The following PALM2AKAP2 variants were observed in gnomAD, a reference collection of about 807,000 sequenced individuals.
PALM2AKAP2 encodes the protein PALM2 and AKAP2 fusion.
PALM2AKAP2 carries 37 observed loss-of-function variants against 71.5 expected under a neutral mutation model. That is an observed-to-expected ratio of 0.52 (90% CI 0.40 to 0.68). The LOEUF is 0.68. PALM2AKAP2 is among the 30% of genes least tolerant of loss of function. The pLI is 0.00. For synonymous variants in PALM2AKAP2, 468 were observed against 478.8 expected (o/e 0.98, Z 0.29); for missense variants, 1,224 against 1,191.8 (o/e 1.03, Z -0.40).
At chr9:109,867,239 G>T in intron 1 of PALM2AKAP2, 1 of 416,860 alleles carries the variant, frequency 2.4e-6, no homozygotes, top group East Asian at 6.0e-5. Flanking sequence ...CTTTTCTTTT[G>T]GATTAAATTC....
intron 1 of PALM2AKAP2, among the ~76,000 whole-genome samples, chr9:109,715,938 G>T (rs111415701): frequency 3.3e-5 from 5 of 151,836 alleles, no homozygotes; most frequent in Non-Finnish European, 7.4e-5. Flanking sequence ...AGTGTTTTTC[G>T]TATGCCATTA....
chr9:110,106,738 A>G (rs192744070), intron 1 of PALM2AKAP2, among the ~76,000 whole-genome samples: 35 of 152,308 alleles, frequency 2.3e-4, no homozygotes, highest in African/African-American at 8.4e-4. Flanking sequence ...GTTGCTTTGT[A>G]TGGGTGCACA....
At chr9:109,986,065 G>A (rs1212847878) in intron 6 of PALM2AKAP2, among the ~76,000 whole-genome samples, 1 of 152,134 alleles carries the variant, frequency 6.6e-6, no homozygotes, top group African/African-American at 2.4e-5. Flanking sequence ...AATGCGACCC[G>A]CTACCAAAAT....
At chr9:109,915,938 T>C (rs1830678621) in intron 3 of PALM2AKAP2, among the ~76,000 whole-genome samples, 2 of 151,680 alleles carry the variant, frequency 1.3e-5, no homozygotes, top group Admixed American at 1.3e-4. Flanking sequence ...AAAGGGAAAA[T>C]ATATTGGCTT....
exon 2 of PALM2AKAP2, chr9:110,137,685 A>C: frequency 6.2e-7 from 1 of 1,614,150 alleles, no homozygotes; most frequent in Non-Finnish European, 8.5e-7. Flanking sequence ...GTGAGGTCTC[A>C]GGATACCACA....
intron 1 of PALM2AKAP2, among the ~76,000 whole-genome samples, chr9:109,695,694 TA>T (rs1447614925): frequency 6.6e-6 from 1 of 152,090 alleles, no homozygotes; most frequent in African/African-American, 2.4e-5. Flanking sequence ...TTATTCCATA[TA>T]AAAAAGAATG....
chr9:109,966,065 A>G (rs1023095102), intron 6 of PALM2AKAP2, among the ~76,000 whole-genome samples: 19 of 152,126 alleles, frequency 1.2e-4, no homozygotes, highest in Admixed American at 1.0e-3. Context: ...TAGATTTGGG[A>G]TGGGGTTTCA....
chr9:109,704,611 T>G (rs965761691), intron 1 of PALM2AKAP2, among the ~76,000 whole-genome samples: 1 of 152,212 alleles, frequency 6.6e-6, no homozygotes, highest in African/African-American at 2.4e-5. Context: ...GGGTGGCCCC[T>G]GCTGACTGTT....
At chr9:109,984,126 T>C (rs1832329049) in intron 6 of PALM2AKAP2, among the ~76,000 whole-genome samples, 1 of 152,198 alleles carries the variant, frequency 6.6e-6, no homozygotes, top group Non-Finnish European at 1.5e-5. Flanking sequence ...AACTTCTCCA[T>C]TGACTTTGAG....
chr9:110,016,576 T>C (rs1832983611), intron 7 of PALM2AKAP2, among the ~76,000 whole-genome samples: 1 of 152,206 alleles, frequency 6.6e-6, no homozygotes, highest in Admixed American at 6.5e-5. Flanking sequence ...ATGAGTCATC[T>C]AGAAATCCAC....
chr9:109,993,743 CCTCT>C (rs1412470586), intron 6 of PALM2AKAP2, among the ~76,000 whole-genome samples: 2 of 151,678 alleles, frequency 1.3e-5, no homozygotes, highest in Non-Finnish European at 2.9e-5. Flanking sequence ...TTCTTCTCTC[CCTCT>C]GTTTTTCTCT....
chr9:109,878,023 G>T (rs1425830259), intron 2 of PALM2AKAP2, among the ~76,000 whole-genome samples: 1 of 152,230 alleles, frequency 6.6e-6, no homozygotes, highest in Non-Finnish European at 1.5e-5. Flanking sequence ...GTGCAAAACA[G>T]GGTCTGTCGG....
At chr9:109,909,170 A>G (rs1414266215) in intron 3 of PALM2AKAP2, among the ~76,000 whole-genome samples, 2 of 152,172 alleles carry the variant, frequency 1.3e-5, no homozygotes, top group Admixed American at 1.3e-4. Context: ...ACGCACACAC[A>G]CACACACACA....
intron 1 of PALM2AKAP2, chr9:110,125,665 T>C (rs1333343460): frequency 3.3e-6 from 3 of 913,202 alleles, no homozygotes; most frequent in South Asian, 5.0e-5. Flanking sequence ...GGGTCTTTTT[T>C]TGAGGCCAGT....
In PALM2AKAP2 at chr9:110,023,305, C is replaced by CTTTTT. The variant is rs149672913; in HGVS notation, c.582+7288_582+7292dup. Reference sequence around the variant, plus strand: ...GTGAGATGGTATCTCATTGTGGTTTCTTTTTTTTTTTTTTTTTTTTTTTTT... The same window carrying CTTTTT: ...GTGAGATGGTATCTCATTGTGGTTTCTTTTTTTTTTTTTTTTTTTTTTTTTTTTTT... On this transcript the variant is annotated intron_variant, in intron 7 of 9. Transcript: ENST00000302798. 6.6e-4 allele frequency among the ~76,000 whole-genome samples: 49 copies of CTTTTT among 74,048 alleles called. 5 individuals carry two copies. Among genetic ancestry groups the CTTTTT allele is most frequent in the East Asian group, 8.8e-4 (2 of 2,276 alleles). The allele number at this position is 74,048 out of a possible 152,430, so 48.6% of individuals were successfully genotyped here.
chr9:109,924,821 A>T (rs1177200296), intron 4 of PALM2AKAP2, among the ~76,000 whole-genome samples: 1 of 152,192 alleles, frequency 6.6e-6, no homozygotes, highest in Non-Finnish European at 1.5e-5. Flanking sequence ...ATGACCAAGG[A>T]TATTTGCTAG....
intron 1 of PALM2AKAP2, among the ~76,000 whole-genome samples, chr9:109,668,446 T>C (rs941334505): frequency 1.3e-5 from 2 of 152,226 alleles, no homozygotes; most frequent in African/African-American, 4.8e-5. Context: ...CACTGGAAAA[T>C]ATCATGCTCT....
At chr9:109,951,318 A>G (rs1186760595) in intron 6 of PALM2AKAP2, among the ~76,000 whole-genome samples, 4 of 152,210 alleles carry the variant, frequency 2.6e-5, no homozygotes, top group African/African-American at 4.8e-5. Flanking sequence ...TTGTAACCTG[A>G]AGTGTACTTT....
intron 1 of PALM2AKAP2, among the ~76,000 whole-genome samples, chr9:109,731,304 C>T (rs2118659951): frequency 6.6e-6 from 1 of 152,276 alleles, no homozygotes; most frequent in Non-Finnish European, 1.5e-5. Context: ...TGATTTTGCT[C>T]TTTTCTGTGT....
Sources: gnomAD v4.1 joint callset for allele counts (sites outside exome capture counted in the v4.1 genomes callset) on GRCh38, gnomAD v4.1.1 for gene constraint, MANE v1.5 for transcripts, NCBI Gene and HGNC (gene_info 2026-07-23, HGNC 2026-07-21) for gene names.